TRAPPC8: variants seen among roughly 807,000 people sequenced by gnomAD.
TRAPPC8 encodes the protein general sporulation gene 1 homolog.
In TRAPPC8, 54 loss-of-function variants were observed where a neutral mutation model predicts 174.3. That is an observed-to-expected ratio of 0.31 (90% confidence interval 0.25 to 0.39). TRAPPC8 has a LOEUF of 0.39. Ranked by LOEUF, TRAPPC8 falls within the 10% of genes least tolerant of loss-of-function variation. TRAPPC8 has a pLI of 1.00. For missense variants in TRAPPC8, 1,531 were observed against 1,699.1 expected, an observed-to-expected ratio of 0.90 and a Z score of 1.74; for synonymous variants, 630 against 579.9, an observed-to-expected ratio of 1.09 and a Z score of -1.24.
chr18:31,937,790 A>G (rs1316429532), intron 1 of TRAPPC8, among the ~76,000 whole-genome samples: 1 of 151,838 alleles, frequency 6.6e-6, no homozygotes, highest in Non-Finnish European at 1.5e-5. Flanking sequence ...TGCAACCTTC[A>G]CCTCTCGAGT....
chr18:31,842,774 A>G (rs905582216), intron 26 of TRAPPC8, among the ~76,000 whole-genome samples: 1 of 152,200 alleles, frequency 6.6e-6, no homozygotes, highest in African/African-American at 2.4e-5. Flanking sequence ...TTTGGATTTC[A>G]GATTTTCAGA....
At chr18:31,895,404 C>T (rs1254649789) in intron 11 of TRAPPC8, among the ~76,000 whole-genome samples, 2 of 152,078 alleles carry the variant, frequency 1.3e-5, no homozygotes, top group African/African-American at 2.4e-5. Flanking sequence ...TTTCTGGGTA[C>T]GTGCACCACC....
At chr18:31,894,652 C>G (rs1206690864) in intron 11 of TRAPPC8, among the ~76,000 whole-genome samples, 1 of 151,892 alleles carries the variant, frequency 6.6e-6, no homozygotes, top group African/African-American at 2.4e-5. Context: ...AATAAAAACA[C>G]AGTTGATAAA....
At chr18:31,860,117 T>C (rs1479931203) in intron 19 of TRAPPC8, among the ~76,000 whole-genome samples, 1 of 152,186 alleles carries the variant, frequency 6.6e-6, no homozygotes, top group Admixed American at 6.5e-5. Context: ...CAAATATAAA[T>C]GGAAAACAAG....
Position 31,870,519 on chromosome 18 carries a change from C to T in TRAPPC8, c.2258-17G>A. The stretch of plus-strand genomic sequence containing the variant: ...TAATTGGTTCTATTAAAAAAAAGGC[C>T]TAAATTAATAACTTTAATAAACATC... On this transcript the variant is annotated splice_polypyrimidine_tract_variant and intron_variant, in intron 15 of 28. Coordinates refer to ENST00000283351, the MANE Select transcript of TRAPPC8 (RefSeq NM_014939.5). 1.3e-6 allele frequency: 2 copies of T among 1,596,114 alleles called. No individual in the cohort carries two copies. Among genetic ancestry groups the T allele is most frequent in the Non-Finnish European group, 1.7e-6 (2 of 1,174,012 alleles).
At chr18:31,894,805 TAAG>T (rs1371557871) in intron 11 of TRAPPC8, among the ~76,000 whole-genome samples, 1 of 152,210 alleles carries the variant, frequency 6.6e-6, no homozygotes, top group African/African-American at 2.4e-5. Flanking sequence ...CAGTTACTCC[TAAG>T]CTGAAGAAAC....
At chr18:31,839,620 T>C (rs921935853) in intron 26 of TRAPPC8, among the ~76,000 whole-genome samples, 163 bp from the exon 27 acceptor site, 3 of 152,248 alleles carry the variant, frequency 2.0e-5, no homozygotes, top group African/African-American at 7.2e-5. Flanking sequence ...ATTTGCAGTG[T>C]AATCTAAGAT....
At chr18:31,888,502 T>C (rs1365780447) in intron 12 of TRAPPC8, among the ~76,000 whole-genome samples, 1 of 152,282 alleles carries the variant, frequency 6.6e-6, no homozygotes, top group African/African-American at 2.4e-5. Context: ...AGCAGAGACA[T>C]GGAATCAACC....
intron 12 of TRAPPC8, among the ~76,000 whole-genome samples, chr18:31,880,090 A>AAAAAAAAAT (rs1259899654): frequency 1.6e-4 from 14 of 85,348 alleles, no homozygotes; most frequent in African/African-American, 5.7e-4. Flanking sequence ...TGAAAAAAAA[A>AAAAAAAAAT]ATATATATAT....
chr18:31,883,345 A>G (rs2035552755), intron 12 of TRAPPC8: 1 of 152,480 alleles, frequency 6.6e-6, no homozygotes, highest in African/African-American at 2.4e-5. Context: ...CAAACACACT[A>G]TAAAAGTACA....
In TRAPPC8 at chr18:31,909,681, T is replaced by C; in HGVS notation, c.851A>G (p.Asp284Gly). Residue 284 changes from aspartate to glycine, a missense_variant, in exon 6 of 29, where the codon GAT (aspartate) becomes GGT (glycine). Coordinates refer to ENST00000283351, the MANE Select transcript of TRAPPC8 (RefSeq NM_014939.5). ...TATATCAAGACCTTTGACTTCGTTA[T>C]CTAATCCATCCAATGAAAGCAAGTT... Reference protein sequence around the residue: ...DNNLLSLDGLDNEVKDGLPNN... With the variant: ...DNNLLSLDGLGNEVKDGLPNN... 2 of 1,600,252 alleles carry C rather than the reference T, an allele frequency of 1.2e-6. No individual in the cohort carries two copies. Among genetic ancestry groups the C allele is most frequent in the Non-Finnish European group, 1.7e-6 (2 of 1,176,400 alleles).
intron 9 of TRAPPC8, among the ~76,000 whole-genome samples, chr18:31,902,342 A>T (rs1368547489): frequency 6.6e-6 from 1 of 152,110 alleles, no homozygotes; most frequent in Non-Finnish European, 1.5e-5. Context: ...AAAAACAAAC[A>T]AACAATAACA....
chr18:31,897,687 TA>T, intron 11 of TRAPPC8, 98 bp downstream of exon 11: 1 of 836,426 alleles, frequency 1.2e-6, no homozygotes, highest in Non-Finnish European at 1.7e-6. Context: ...TTTCCCTGGC[TA>T]ATTTTATGTT....
intron 16 of TRAPPC8, among the ~76,000 whole-genome samples, chr18:31,869,304 A>G (rs2034730929): frequency 2.0e-5 from 3 of 152,350 alleles, no homozygotes; most frequent in South Asian, 4.1e-4. Flanking sequence ...AAGAGTTTCA[A>G]CTTCACCAGC....
chr18:31,933,949 A>G (rs749961974), intron 1 of TRAPPC8, among the ~76,000 whole-genome samples: 3 of 152,032 alleles, frequency 2.0e-5, no homozygotes, highest in Non-Finnish European at 2.9e-5. Flanking sequence ...CACTTTTGGG[A>G]GGCTGAAGCG....
intron 19 of TRAPPC8, among the ~76,000 whole-genome samples, chr18:31,864,024 A>G (rs1166013639): frequency 2.1e-5 from 3 of 145,052 alleles, no homozygotes; most frequent in Non-Finnish European, 3.0e-5. Context: ...TGTTATTATA[A>G]TATGTTCTAT....
At chr18:31,881,774 A>G (rs975858909) in intron 12 of TRAPPC8, among the ~76,000 whole-genome samples, 4 of 152,150 alleles carry the variant, frequency 2.6e-5, no homozygotes, top group African/African-American at 9.6e-5. Context: ...AGAATCTAAA[A>G]GTAACTTAAA....
In TRAPPC8 at chr18:31,933,092, G is replaced by A. The variant is rs185246479; in HGVS notation, c.158-1569C>T. 2.3e-3 allele frequency among the ~76,000 whole-genome samples: 346 copies of A among 151,372 alleles called. 3 individuals are homozygous for A. Among genetic ancestry groups the A allele is most frequent in the African/African-American group, 8.1e-3 (334 of 41,216 alleles). On this transcript the variant is annotated intron_variant, in intron 1 of 28. Coordinates refer to ENST00000283351, the MANE Select transcript of TRAPPC8 (RefSeq NM_014939.5). ...CAAGGCGGGCAGATCACGAGGTCAGGAGACCGAGACCATCCTGGCTAACAC... is the reference window on the plus strand; with the variant it reads ...CAAGGCGGGCAGATCACGAGGTCAGAAGACCGAGACCATCCTGGCTAACAC...
intron 9 of TRAPPC8, among the ~76,000 whole-genome samples, chr18:31,902,333 AAAAC>A (rs1413782152): frequency 1.3e-5 from 2 of 152,254 alleles, no homozygotes; most frequent in South Asian, 2.1e-4. Context: ...TCGGTCTCAA[AAAAC>A]AAACAAACAA....
Sources: gnomAD v4.1 joint callset for allele counts (sites outside exome capture counted in the v4.1 genomes callset) on GRCh38, gnomAD v4.1.1 for gene constraint, MANE v1.5 for transcripts, NCBI Gene and HGNC (gene_info 2026-07-23, HGNC 2026-07-21) for gene names.